CDC42EP3: variants seen among roughly 807,000 people sequenced by gnomAD.
The protein encoded by CDC42EP3 is CDC42 effector protein 3.
Under a neutral mutation model 15.5 loss-of-function variants are expected in CDC42EP3, and 4 were observed. The ratio of observed to expected loss-of-function variants is 0.26; its 90% confidence interval spans 0.13 to 0.59. The LOEUF (loss-of-function observed/expected upper bound fraction) is 0.59. Ranked by LOEUF, CDC42EP3 falls within the 20% of genes least tolerant of loss-of-function variation. The pLI is 0.89. For missense variants in CDC42EP3, 309 were observed against 311.2 expected (o/e 0.99, Z 0.05); for synonymous variants, 145 against 130.3 (o/e 1.11, Z -0.77).
chr2:37,655,782 A>C (rs1665829456), intron 1 of CDC42EP3, among the ~76,000 whole-genome samples: 1 of 152,244 alleles, frequency 6.6e-6, no homozygotes. Context: ...CAGGAAGAGA[A>C]CTTGACTCTG....
At chr2:37,648,721 G>A (rs1010540141) in intron 1 of CDC42EP3, among the ~76,000 whole-genome samples, 3 of 152,092 alleles carry the variant, frequency 2.0e-5, no homozygotes, top group African/African-American at 4.8e-5. Context: ...TCTAATTTGG[G>A]TCTTGTTGTG....
At chr2:37,648,015 T>C (rs1035801470) in intron 1 of CDC42EP3, among the ~76,000 whole-genome samples, 8 of 152,134 alleles carry the variant, frequency 5.3e-5, no homozygotes, top group Admixed American at 5.2e-4. Context: ...AAATGGTAAA[T>C]GTTGTAAGCC....
rs185470141 is a variant in CDC42EP3, at chr2:37,658,545, T to A, written c.-235-11723A>T. Among the ~76,000 whole-genome samples, 16 of 152,302 alleles carry A rather than the reference T, an allele frequency of 1.1e-4. No individual in the cohort carries two copies. The East Asian group carries it at 2.9e-3, about 28-fold the overall frequency. ...TCTACTTTGCTTCCCTTGTCCCATATAATACTCATAAACCTTGCCCCAAAT... is the reference window on the plus strand; with the variant it reads ...TCTACTTTGCTTCCCTTGTCCCATAAAATACTCATAAACCTTGCCCCAAAT... On this transcript the variant is annotated intron_variant, in intron 1 of 1. Coordinates refer to ENST00000295324, the MANE Select transcript of CDC42EP3 (RefSeq NM_006449.5).
intron 1 of CDC42EP3, among the ~76,000 whole-genome samples, chr2:37,651,761 C>A (rs1452567052): frequency 6.6e-6 from 1 of 152,156 alleles, no homozygotes. Flanking sequence ...GGTGGAATCG[C>A]CTGGGCCCGT....
At chr2:37,663,548 G>A (rs1189553841) in intron 1 of CDC42EP3, among the ~76,000 whole-genome samples, 1 of 152,334 alleles carries the variant, frequency 6.6e-6, no homozygotes, top group East Asian at 1.9e-4. Context: ...GAGATCTTGA[G>A]AAGGTTCCAG....
chr2:37,668,327 G>T (rs1469216916), intron 1 of CDC42EP3, among the ~76,000 whole-genome samples: 3 of 152,110 alleles, frequency 2.0e-5, no homozygotes, highest in Non-Finnish European at 2.9e-5. Context: ...AAAAACAAAA[G>T]CAACATTGAA....
chr2:37,644,709 A>C lies in CDC42EP3; in HGVS notation c.*1114T>G, dbSNP rs1047878573. 1 of 152,144 alleles carries C rather than the reference A, an allele frequency of 6.6e-6. No individual in the cohort carries two copies. The highest frequency in any genetic ancestry group is 1.5e-5 in the Non-Finnish European group (1 of 68,016). The allele number at this position is 152,144 out of a possible 1,614,324, so 9.4% of individuals were successfully genotyped here. On this transcript the variant is annotated 3_prime_UTR_variant, in exon 2 of 2. Coordinates refer to ENST00000295324, the MANE Select transcript of CDC42EP3 (RefSeq NM_006449.5). ...TTTCTAGCCTCTCAAACCATAAGGAAGTAATCAAAATGAGAGTAGATGGAA... is the reference window on the plus strand; with the variant it reads ...TTTCTAGCCTCTCAAACCATAAGGACGTAATCAAAATGAGAGTAGATGGAA...
At chr2:37,654,278 G>C (rs374064610) in intron 1 of CDC42EP3, among the ~76,000 whole-genome samples, 1 of 152,152 alleles carries the variant, frequency 6.6e-6, no homozygotes, top group African/African-American at 2.4e-5. Flanking sequence ...ACATGTCCCC[G>C]CATGTTCAGA....
At chr2:37,658,644 C>G (rs1388995510) in intron 1 of CDC42EP3, among the ~76,000 whole-genome samples, 1 of 152,164 alleles carries the variant, frequency 6.6e-6, no homozygotes, top group East Asian at 1.9e-4. Context: ...TGGTAAATGG[C>G]AGAAGTCACT....
intron 1 of CDC42EP3, among the ~76,000 whole-genome samples, chr2:37,654,921 A>C (rs1489993225): frequency 1.3e-5 from 2 of 152,180 alleles, no homozygotes; most frequent in African/African-American, 4.8e-5. Context: ...GGGGAAAAAA[A>C]CCCCATAGTG....
At chr2:37,649,543 A>G (rs964593144) in intron 1 of CDC42EP3, among the ~76,000 whole-genome samples, 7 of 147,182 alleles carry the variant, frequency 4.8e-5, no homozygotes, top group African/African-American at 1.7e-4. Context: ...ATTCACATAC[A>G]CCCTTGAATT....
chr2:37,646,285 C>A lies in CDC42EP3; in HGVS notation c.303G>T (p.Pro101=). The A allele has an allele frequency of 6.2e-7, 1 of 1,614,148 alleles. No homozygotes were observed. The highest frequency in any genetic ancestry group is 1.1e-5 in the South Asian group (1 of 91,084). The change falls in exon 2 of 2, where the codon CCG becomes CCT. Residue 101 remains proline (P), a synonymous_variant. Coordinates refer to ENST00000295324, the MANE Select transcript of CDC42EP3 (RefSeq NM_006449.5). ...SDSVFTETPS[P]VLKNAISLPT... is the part of the protein sequence containing the mutation. ...GGAGGGAGATGGCATTTTTGAGCAC[C>A]GGGGAGGGCGTTTCTGTGAACACAG...
At chr2:37,670,086 G>C (rs1465247624) in intron 1 of CDC42EP3, among the ~76,000 whole-genome samples, 3 of 152,140 alleles carry the variant, frequency 2.0e-5, no homozygotes, top group Non-Finnish European at 4.4e-5. Context: ...AGATGAAAGA[G>C]CTTGTGTAAA....
chr2:37,646,266 A>G lies in CDC42EP3; in HGVS notation c.322T>C (p.Ser108Pro), dbSNP rs1665462036. The G allele has an allele frequency of 1.9e-6, 3 of 1,614,132 alleles. No individual in the cohort carries two copies. Among genetic ancestry groups the G allele is most frequent in the Non-Finnish European group, 2.5e-6 (3 of 1,180,020 alleles). ...TPSPVLKNAISLPTIGGSQAL... is the reference protein window; with the variant it reads ...TPSPVLKNAIPLPTIGGSQAL... ...TGGGATCCTCCAATGGTCGGGAGGG[A>G]GATGGCATTTTTGAGCACCGGGGAG... The change falls in exon 2 of 2, where the codon TCC (serine) becomes CCC (proline). Residue 108 changes from serine (S) to proline (P), a missense_variant. Coordinates refer to ENST00000295324, the MANE Select transcript of CDC42EP3 (RefSeq NM_006449.5).
intron 1 of CDC42EP3, among the ~76,000 whole-genome samples, chr2:37,658,452 C>T (rs967151094): frequency 6.6e-6 from 1 of 152,154 alleles, no homozygotes; most frequent in African/African-American, 2.4e-5. Context: ...AACAAAAAGA[C>T]AGTGGCCCTT....
chr2:37,653,281 G>GA (rs1665746622), intron 1 of CDC42EP3, among the ~76,000 whole-genome samples: 1 of 152,172 alleles, frequency 6.6e-6, no homozygotes, highest in African/African-American at 2.4e-5. Flanking sequence ...CAGGTTGTGT[G>GA]AGAAATCCAA....
chr2:37,661,128 T>TGTGC (rs60268329), intron 1 of CDC42EP3, among the ~76,000 whole-genome samples: 26,580 of 147,932 alleles, frequency 0.18, 2,687 homozygotes, highest in South Asian at 0.26. Context: ...TGTGTGTGTG[T>TGTGC]GCGTGTGTGT....
chr2:37,667,061 G>A (rs1027790171), intron 1 of CDC42EP3, among the ~76,000 whole-genome samples: 7 of 152,114 alleles, frequency 4.6e-5, no homozygotes, highest in African/African-American at 1.7e-4. Flanking sequence ...GATCCCCACA[G>A]CTAATCACAA....
intron 1 of CDC42EP3, among the ~76,000 whole-genome samples, chr2:37,649,962 T>G (rs184640833): frequency 1.1e-3 from 173 of 152,328 alleles, no homozygotes; most frequent in Non-Finnish European, 1.4e-3. Context: ...ATTTACTGCA[T>G]GATGGGGCAT....
Sources: allele counts gnomAD v4.1 joint callset (sites outside exome capture counted in the v4.1 genomes callset), GRCh38; gene constraint gnomAD v4.1.1; transcripts MANE v1.5; gene names NCBI Gene and HGNC (gene_info 2026-07-23, HGNC 2026-07-21).